The following ST18 variants were observed in gnomAD, a reference collection of about 807,000 sequenced individuals.
ST18 encodes the protein suppression of tumorigenicity 18 protein.
Under a neutral mutation model 110.0 loss-of-function variants are expected in ST18, and 50 were observed. The observed-to-expected ratio is 0.45, with a 90% CI of 0.36 to 0.58. ST18 has a LOEUF of 0.58. Among genes scored for constraint, ST18 ranks in the 20% least tolerant of loss-of-function variants. The pLI is 0.00. For synonymous variants in ST18, 461 were observed against 452.4 expected (o/e 1.02, Z -0.24); for missense variants, 1,306 against 1,280.1 (o/e 1.02, Z -0.31).
chr8:52,125,786 T>C (rs1003396456), intron 23 of ST18: 1 of 390,896 alleles, frequency 2.6e-6, no homozygotes, highest in Non-Finnish European at 4.6e-6. Flanking sequence ...CAGCATGCCC[T>C]GCCAACCACA....
At chr8:52,179,321 T>C (rs2068389449) in intron 9 of ST18, among the ~76,000 whole-genome samples, 1 of 152,242 alleles carries the variant, frequency 6.6e-6, no homozygotes, top group South Asian at 2.1e-4. Context: ...TCCTAAAGTT[T>C]TGAAACGTAA....
chr8:52,409,294 T>C (rs1361467943), intron 2 of ST18, 34 bp downstream of exon 2: 1 of 152,242 alleles, frequency 6.6e-6, no homozygotes, highest in East Asian at 1.9e-4. Context: ...TGTAATAAAA[T>C]AACTTAAATG....
rs535730915 is a variant in ST18, at chr8:52,181,161, C to T, written c.87-849G>A. ...GAAAATCAGAGGGTTTGGCCAACTG[C>T]GAGTCTATAAGAGATATTTATTAAA... On this transcript the variant is annotated intron_variant, in intron 8 of 25. Transcript: ENST00000689386. Among the ~76,000 whole-genome samples the T allele has an allele frequency of 5.3e-5, 8 of 152,116 alleles. No homozygotes were observed. In the East Asian group the frequency reaches 7.7e-4, roughly 15 times the overall value.
chr8:52,252,270 T>A (rs748707049), intron 2 of ST18, among the ~76,000 whole-genome samples: 12 of 152,056 alleles, frequency 7.9e-5, no homozygotes, highest in African/African-American at 2.7e-4. Flanking sequence ...CTGCAAATAA[T>A]TTCTGTATCT....
At chr8:52,141,453 C>T (rs1222867083) in intron 17 of ST18, among the ~76,000 whole-genome samples, 1 of 152,166 alleles carries the variant, frequency 6.6e-6, no homozygotes. Context: ...GCATCAATGA[C>T]GCGGACAAGG....
chr8:52,253,933 A>G (rs1234079536), intron 2 of ST18, among the ~76,000 whole-genome samples: 1 of 152,024 alleles, frequency 6.6e-6, no homozygotes, highest in Non-Finnish European at 1.5e-5. Flanking sequence ...AACAGATACA[A>G]TACGCTTTTT....
chr8:52,272,819 G>A (rs1254364123), intron 2 of ST18, among the ~76,000 whole-genome samples: 4 of 152,102 alleles, frequency 2.6e-5, no homozygotes, highest in African/African-American at 7.2e-5. Flanking sequence ...CTTCATAAAT[G>A]ACAAACACTG....
intron 15 of ST18, among the ~76,000 whole-genome samples, chr8:52,151,601 A>T (rs2132571346): frequency 6.6e-6 from 1 of 152,330 alleles, no homozygotes; most frequent in East Asian, 1.9e-4. Flanking sequence ...TAACCATATC[A>T]GTGCCACGTG....
intron 2 of ST18, among the ~76,000 whole-genome samples, chr8:52,300,838 C>T (rs1336014351): frequency 6.6e-6 from 1 of 152,040 alleles, no homozygotes; most frequent in African/African-American, 2.4e-5. Flanking sequence ...GAAAAGCATG[C>T]TAACTCCTGG....
chr8:52,332,765 C>A (rs190049724), intron 2 of ST18, among the ~76,000 whole-genome samples: 1 of 151,866 alleles, frequency 6.6e-6, no homozygotes, highest in African/African-American at 2.4e-5. Flanking sequence ...GCGGGAGAAT[C>A]GCTTGAACCT....
intron 8 of ST18, among the ~76,000 whole-genome samples, chr8:52,196,702 T>C (rs1252578347): frequency 1.3e-5 from 2 of 152,234 alleles, no homozygotes; most frequent in Non-Finnish European, 2.9e-5. Flanking sequence ...AATTAAACTT[T>C]ATCATAGGTA....
At chr8:52,182,143 G>A (rs1240491397) in intron 8 of ST18, among the ~76,000 whole-genome samples, 2 of 152,134 alleles carry the variant, frequency 1.3e-5, no homozygotes, top group Non-Finnish European at 2.9e-5. Flanking sequence ...ATTAAAGCAG[G>A]GAAAGGAAGT....
At chr8:52,261,862 A>G (rs1342315337) in intron 2 of ST18, among the ~76,000 whole-genome samples, 1 of 152,054 alleles carries the variant, frequency 6.6e-6, no homozygotes, top group African/African-American at 2.4e-5. Flanking sequence ...CTTCAGTATT[A>G]TTTTTCTAAA....
At chr8:52,157,795 G>A (rs976681068) in intron 15 of ST18, among the ~76,000 whole-genome samples, 10 of 152,224 alleles carry the variant, frequency 6.6e-5, no homozygotes, top group African/African-American at 1.2e-4. Flanking sequence ...CAGTGGCACC[G>A]TGTTACCTGC....
chr8:52,341,308 T>A (rs376348403), intron 2 of ST18, among the ~76,000 whole-genome samples: 12 of 152,258 alleles, frequency 7.9e-5, no homozygotes, highest in African/African-American at 2.7e-4. Flanking sequence ...TACGGTTGAC[T>A]TTGAGTTGAA....
intron 9 of ST18, among the ~76,000 whole-genome samples, chr8:52,173,078 G>A (rs1213848405): frequency 1.3e-5 from 2 of 152,138 alleles, no homozygotes; most frequent in Admixed American, 1.3e-4. Context: ...AAGCCATTTG[G>A]TTTCAGATTT....
rs189047052 is a variant in ST18 at position 52,217,405 on chromosome 8, A to G, written c.-1+341T>C. ...TTAAGAAAAAAGTTCAGTTTAAATG[A>G]TAAGTATCAACTTATTATGTATAAT... On this transcript the variant is annotated intron_variant, in intron 6 of 25. Transcript: ENST00000689386. 3.3e-3 allele frequency among the ~76,000 whole-genome samples: 507 copies of G among 152,272 alleles called. 2 individuals are homozygous for G. The highest frequency in any genetic ancestry group is 9.8e-3 in the African/African-American group (409 of 41,572).
At chr8:52,354,338 A>C (rs1821726581) in intron 2 of ST18, among the ~76,000 whole-genome samples, 1 of 152,216 alleles carries the variant, frequency 6.6e-6, no homozygotes, top group East Asian at 1.9e-4. Context: ...TCGACCGAGT[A>C]AAGTCAGGGG....
chr8:52,128,199 C>A (rs186729514), intron 22 of ST18, among the ~76,000 whole-genome samples: 11 of 152,312 alleles, frequency 7.2e-5, no homozygotes, highest in Admixed American at 4.6e-4. Context: ...GAACTCCTGA[C>A]AGCAAGTGAT....
Sources: gnomAD v4.1 joint callset for allele counts (sites outside exome capture counted in the v4.1 genomes callset) on GRCh38, gnomAD v4.1.1 for gene constraint, MANE v1.5 for transcripts, NCBI Gene and HGNC (gene_info 2026-07-23, HGNC 2026-07-21) for gene names.